Variants in MBD5 observed in about 807,000 individuals in gnomAD.
MBD5 encodes methyl-CpG binding domain protein 5.
Under a neutral mutation model 117.3 loss-of-function variants are expected in MBD5, and 13 were observed. The observed-to-expected ratio is 0.11, with a 90% CI of 0.07 to 0.18. MBD5 has a LOEUF of 0.18. Ranked by LOEUF, MBD5 falls within the 10% of genes least tolerant of loss-of-function variation. MBD5 has a pLI of 1.00. For synonymous variants in MBD5, 727 were observed against 766.4 expected (o/e 0.95, Z 0.85); for missense variants, 1,879 against 2,093.8 (o/e 0.90, Z 2.00).
intron 3 of MBD5, among the ~76,000 whole-genome samples, chr2:148,263,195 T>C (rs1292658951): frequency 6.6e-6 from 1 of 152,146 alleles, no homozygotes; most frequent in African/African-American, 2.4e-5. Context: ...GGCTGTGGAA[T>C]TTGTGAACTG....
chr2:148,404,497 A>G (rs772810204), intron 4 of MBD5, among the ~76,000 whole-genome samples: 96 of 152,232 alleles, frequency 6.3e-4, no homozygotes, highest in Non-Finnish European at 1.1e-3. Flanking sequence ...TCTCTTCTCT[A>G]GCATTCTATT....
intron 2 of MBD5, among the ~76,000 whole-genome samples, chr2:148,225,932 C>G (rs1007773089): frequency 6.6e-6 from 1 of 152,074 alleles, no homozygotes; most frequent in Non-Finnish European, 1.5e-5. Context: ...GGGTAGTCTT[C>G]TTTGGGTTAA....
intron 4 of MBD5, among the ~76,000 whole-genome samples, chr2:148,378,769 A>G (rs936483870): frequency 1.3e-5 from 2 of 152,096 alleles, no homozygotes; most frequent in Non-Finnish European, 2.9e-5. Context: ...TAGCTTCAAT[A>G]TAATTTAATA....
rs1269778964 is a variant in MBD5 at position 148,354,802 on chromosome 2, C to T, written c.-557+12466C>T. ...TTGTTTCCCGAGTTTTTAATAATTG[C>T]CATTCTAACTGGTGTGAGATGGTAT... On this transcript the variant is annotated intron_variant, in intron 4 of 13. Transcript: ENST00000642680. Among the ~76,000 whole-genome samples the T allele has an allele frequency of 2.0e-5, 3 of 152,152 alleles. No individual in the cohort carries two copies. The East Asian group carries it at 5.8e-4, about 29-fold the overall frequency.
chr2:148,374,240 TACACACACAC>T (rs57110874), intron 4 of MBD5, among the ~76,000 whole-genome samples: 17 of 141,970 alleles, frequency 1.2e-4, no homozygotes, highest in Admixed American at 3.5e-4. Context: ...TGTTTATGCA[TACACACACAC>T]ACACACACAC....
chr2:148,205,496 T>C (rs1246782900), intron 2 of MBD5, among the ~76,000 whole-genome samples: 1 of 152,034 alleles, frequency 6.6e-6, no homozygotes, highest in Admixed American at 6.6e-5. Flanking sequence ...AACTGAAATA[T>C]GATGAATGAA....
chr2:148,347,235 CATGGTG>C (rs1703144597), intron 4 of MBD5: 3 of 151,940 alleles, frequency 2.0e-5, no homozygotes, highest in Admixed American at 6.6e-5. Context: ...ATTAACTGGG[CATGGTG>C]ATGTGTGCCT....
intron 4 of MBD5, among the ~76,000 whole-genome samples, chr2:148,408,980 A>G (rs1222160876): frequency 6.6e-6 from 1 of 152,178 alleles, no homozygotes. Flanking sequence ...ATGTAATTTT[A>G]TGTCAGGGAC....
chr2:148,259,935 A>C (rs187258544), intron 3 of MBD5, among the ~76,000 whole-genome samples: 28 of 152,272 alleles, frequency 1.8e-4, no homozygotes, highest in African/African-American at 6.5e-4. Context: ...ACAACAACAA[A>C]AAAGCTAATG....
chr2:148,417,818 G>A (rs1256104118), intron 4 of MBD5, among the ~76,000 whole-genome samples: 1 of 149,470 alleles, frequency 6.7e-6, no homozygotes, highest in Non-Finnish European at 1.5e-5. Flanking sequence ...GTTTTTTTTT[G>A]TGCGGGGGGG....
At chr2:148,409,254 G>T (rs1039957052) in intron 4 of MBD5, among the ~76,000 whole-genome samples, 21 of 151,848 alleles carry the variant, frequency 1.4e-4, no homozygotes, top group Non-Finnish European at 2.5e-4. Flanking sequence ...CAGACGTTAT[G>T]GCACGTGCCT....
chr2:148,330,088 T>TACACACACACACACACAC (rs377202803), intron 3 of MBD5, among the ~76,000 whole-genome samples: 9,310 of 40,126 alleles, frequency 0.23, 1,440 homozygotes, highest in Middle Eastern at 0.45. Context: ...CCTCCTGCCA[T>TACACACACACACACACAC]ACACACACAC....
rs1681236704 is a variant in MBD5 at position 148,483,598 on chromosome 2, C to A, written c.3007C>A (p.Leu1003Ile). ...LQNQAQAAAM[L>I]PLPSFNLTIS... ...GAACCAAGCCCAAGCAGCTGCCATG[C>A]TTCCCCTGCCATCTTTCAATCTGAC... Residue 1003 changes from leucine (L) to isoleucine (I), a missense_variant, in exon 9 of 14, where the codon CTT becomes ATT. Transcript: ENST00000642680. 1 of 1,555,018 alleles carries A rather than the reference C, an allele frequency of 6.4e-7. No homozygotes were observed. The highest frequency in any genetic ancestry group is 1.2e-5 in the South Asian group (1 of 84,990).
intron 2 of MBD5, among the ~76,000 whole-genome samples, chr2:148,226,702 T>C (rs891771159): frequency 6.6e-6 from 1 of 152,186 alleles, no homozygotes; most frequent in African/African-American, 2.4e-5. Context: ...ACTTCCACAA[T>C]GGTTGAACTA....
At chr2:148,230,148 C>T (rs1699947240) in intron 2 of MBD5, among the ~76,000 whole-genome samples, 1 of 152,174 alleles carries the variant, frequency 6.6e-6, no homozygotes, top group African/African-American at 2.4e-5. Flanking sequence ...GGCGGGTTCC[C>T]CAAGTCCCTG....
chr2:148,230,415 G>A lies in MBD5; in HGVS notation c.-830-2830G>A, dbSNP rs565036315. On this transcript the variant is annotated intron_variant, in intron 2 of 13. Transcript: ENST00000642680. ...CTTCAGTCAGCTTGTGTTGCATGCT[G>A]CCTGGCCTAATACTCACCCTTCAGG... is the stretch of plus-strand genomic sequence containing the variant. 2.0e-5 allele frequency among the ~76,000 whole-genome samples: 3 copies of A among 152,194 alleles called. No homozygotes were observed. The Middle Eastern group carries it at 0.01, about 518-fold the overall frequency.
intron 1 of MBD5, among the ~76,000 whole-genome samples, chr2:148,043,566 A>G (rs1694436601): frequency 1.3e-5 from 2 of 152,150 alleles, no homozygotes; most frequent in South Asian, 4.1e-4. Context: ...TTCCATCACT[A>G]AAGTTTGAGA....
intron 1 of MBD5, among the ~76,000 whole-genome samples, chr2:148,091,475 A>T (rs2105232800): frequency 6.6e-6 from 1 of 152,336 alleles, no homozygotes; most frequent in South Asian, 2.1e-4. Flanking sequence ...GACCAATAGA[A>T]TAGAATAGAA....
Position 148,148,942 on chromosome 2 carries a change from T to C in MBD5, c.-924-29758T>C, listed in dbSNP as rs143711332. The stretch of plus-strand genomic sequence containing the variant: ...ATAAATATTTCTTTATTTATTTTAT[T>C]TTATTTTTAATTATACTTTAAGTTT... On this transcript the variant is annotated intron_variant, in intron 1 of 13. Transcript: ENST00000642680. 2.4e-3 allele frequency among the ~76,000 whole-genome samples: 369 copies of C among 152,274 alleles called. 2 individuals are homozygous for C. Among genetic ancestry groups the C allele is most frequent in the African/African-American group, 8.2e-3 (342 of 41,574 alleles).
Sources: allele counts gnomAD v4.1 joint callset (sites outside exome capture counted in the v4.1 genomes callset), GRCh38; gene constraint gnomAD v4.1.1; transcripts MANE v1.5; gene names NCBI Gene and HGNC (gene_info 2026-07-23, HGNC 2026-07-21).